Variants in ATAD2B observed in about 807,000 individuals in gnomAD.
ATAD2B encodes the protein ATPase family AAA domain containing 2B, also known as ATPase family AAA domain-containing protein 2B.
Under a neutral mutation model 167.6 loss-of-function variants are expected in ATAD2B, and 40 were observed. The observed-to-expected ratio is 0.24, with a 90% confidence interval of 0.19 to 0.31. The LOEUF (loss-of-function observed/expected upper bound fraction) is 0.31, where lower values mean the gene tolerates loss of function less well. Ranked by LOEUF, ATAD2B falls within the 10% of genes least tolerant of loss-of-function variation. The pLI is 1.00. For synonymous variants in ATAD2B, 579 were observed against 596.5 expected (o/e 0.97, Z 0.43); for missense variants, 1,242 against 1,757.2 (o/e 0.71, Z 5.24).
At chr2:23,908,536 G>C (rs1701809283) in intron 1 of ATAD2B, among the ~76,000 whole-genome samples, 1 of 152,160 alleles carries the variant, frequency 6.6e-6, no homozygotes, top group Non-Finnish European at 1.5e-5. Context: ...TACACTGTTG[G>C]TGGGACTGTA....
At chr2:23,875,935 T>C in intron 7 of ATAD2B, 31 bp from the exon 8 acceptor site, 2 of 1,423,042 alleles carry the variant, frequency 1.4e-6, no homozygotes, top group Non-Finnish European at 1.9e-6. Context: ...AATAGAGAAA[T>C]AACTAATAAA....
intron 22 of ATAD2B, among the ~76,000 whole-genome samples, chr2:23,775,709 C>T (rs956796514): frequency 1.3e-5 from 2 of 152,158 alleles, no homozygotes; most frequent in Non-Finnish European, 2.9e-5. Flanking sequence ...AGAACTGGGA[C>T]CCATATTTCC....
chr2:23,678,541 A>G, the ATAD2B span, among the ~76,000 whole-genome samples: 9 of 152,216 alleles, frequency 5.9e-5, no homozygotes, highest in African/African-American at 2.2e-4. Context: ...GTCTCTGCCA[A>G]TATCAGCCAG....
intron 13 of ATAD2B, among the ~76,000 whole-genome samples, chr2:23,834,476 G>A (rs971911019): frequency 6.6e-6 from 1 of 151,746 alleles, no homozygotes; most frequent in African/African-American, 2.4e-5. Context: ...AGTCTTTAAT[G>A]CTAACAAAAT....
chr2:23,678,463 C>G, the ATAD2B span, among the ~76,000 whole-genome samples: 2 of 152,206 alleles, frequency 1.3e-5, no homozygotes, highest in African/African-American at 4.8e-5. Flanking sequence ...CTGGGCTAGC[C>G]TGTTGGAGCA....
the ATAD2B span, chr2:23,685,514 C>G: frequency 6.6e-6 from 1 of 152,330 alleles, no homozygotes; most frequent in Non-Finnish European, 1.5e-5. Flanking sequence ...TGCCAACTAA[C>G]CCCGGAGTGA....
Position 23,823,472 on chromosome 2 carries a change from C to A in ATAD2B, c.1917G>T (p.Leu639=). ...GCACTATTGAGGAAACATCCAGCTG[C>A]AGTTTATGACTGCTAGCATAGATCT... is the stretch of plus-strand genomic sequence containing the variant. The part of the protein sequence containing the change: ...YPQIYASSHK[L]QLDVSSIVLS... The change falls in exon 16 of 28, where the codon CTG becomes CTT. Residue 639 remains leucine, a synonymous_variant. Transcript: ENST00000238789. The A allele has an allele frequency of 6.2e-7, 1 of 1,613,954 alleles. No individual in the cohort carries two copies. Among genetic ancestry groups the A allele is most frequent in the South Asian group, 1.1e-5 (1 of 91,070 alleles).
chr2:23,821,592 A>AT (rs1381716541), intron 16 of ATAD2B, among the ~76,000 whole-genome samples: 6 of 152,124 alleles, frequency 3.9e-5, no homozygotes, highest in African/African-American at 1.2e-4. Context: ...AATATTCATA[A>AT]TTTTTACTAT....
intron 22 of ATAD2B, among the ~76,000 whole-genome samples, chr2:23,774,132 T>C (rs188256536): frequency 6.0e-4 from 92 of 152,292 alleles, no homozygotes; most frequent in Non-Finnish European, 5.1e-4. Context: ...ATTTTTATGG[T>C]ATGATTTTTC....
intron 5 of ATAD2B, 40 bp downstream of exon 5, chr2:23,885,687 G>T: frequency 8.0e-7 from 1 of 1,251,296 alleles, no homozygotes; most frequent in Non-Finnish European, 1.1e-6. Flanking sequence ...CAATTAAAAT[G>T]AAAAATATTT....
Position 23,880,531 on chromosome 2 carries a change from C to G in ATAD2B, c.901+108G>C. On this transcript the variant is annotated intron_variant, in intron 7 of 27. Transcript: ENST00000238789. ...TGAACTGGGATCGCACCACTGCACTCCAGCCTGGGCGATGGAGCGAGACTC... is the reference window on the plus strand; with the variant it reads ...TGAACTGGGATCGCACCACTGCACTGCAGCCTGGGCGATGGAGCGAGACTC... 4.6e-6 allele frequency: 3 copies of G among 656,848 alleles called. No homozygotes were observed. In the South Asian group the frequency reaches 5.8e-5, roughly 13 times the overall value. 40.7% of individuals were successfully genotyped at this position (656,848 alleles called of 1,614,324 possible).
intron 4 of ATAD2B, among the ~76,000 whole-genome samples, chr2:23,886,930 C>CAAAAAAA (rs771470947): frequency 1.7e-5 from 2 of 116,424 alleles, no homozygotes; most frequent in Non-Finnish European, 1.8e-5. Flanking sequence ...GACTCCATCT[C>CAAAAAAA]AAAAAAAAAA....
intron 19 of ATAD2B, among the ~76,000 whole-genome samples, chr2:23,790,186 G>A (rs1681442609): frequency 6.6e-6 from 1 of 152,144 alleles, no homozygotes; most frequent in Non-Finnish European, 1.5e-5. Flanking sequence ...AGACACTGCA[G>A]TTATAAAACT....
At chr2:23,822,834 C>T (rs1687659563) in intron 16 of ATAD2B, among the ~76,000 whole-genome samples, 2 of 141,446 alleles carry the variant, frequency 1.4e-5, no homozygotes, top group African/African-American at 5.3e-5. Context: ...AGGAGAATCG[C>T]TGTACCCGGG....
At chr2:23,842,749 G>C (rs1476089796) in intron 13 of ATAD2B, among the ~76,000 whole-genome samples, 1 of 152,126 alleles carries the variant, frequency 6.6e-6, no homozygotes, top group Non-Finnish European at 1.5e-5. Flanking sequence ...ATCTCTAGCT[G>C]GTCCTGAACA....
chr2:23,745,846 G>C (rs141706181), downstream of ATAD2B, among the ~76,000 whole-genome samples: 12 of 152,208 alleles, frequency 7.9e-5, no homozygotes, highest in Non-Finnish European at 1.3e-4. Context: ...CAAAAAGCAA[G>C]GACCTTGCTG....
At chr2:23,769,128 T>C (rs1407094708) in intron 22 of ATAD2B, among the ~76,000 whole-genome samples, 1 of 152,122 alleles carries the variant, frequency 6.6e-6, no homozygotes, top group Non-Finnish European at 1.5e-5. Flanking sequence ...AATCTCCAGA[T>C]GCTTATATCT....
At chr2:23,833,306 C>T (rs947271190) in intron 14 of ATAD2B, among the ~76,000 whole-genome samples, 1 of 152,074 alleles carries the variant, frequency 6.6e-6, no homozygotes, top group Admixed American at 6.5e-5. Flanking sequence ...ATCTCTTCCT[C>T]TCAAATTTGA....
At chr2:23,819,126 G>A (rs1037156176) in intron 17 of ATAD2B, among the ~76,000 whole-genome samples, 1 of 152,002 alleles carries the variant, frequency 6.6e-6, no homozygotes, top group Non-Finnish European at 1.5e-5. Context: ...AATAAAGTTG[G>A]GGCTCATGAG....
Sources: gnomAD v4.1 joint callset for allele counts (sites outside exome capture counted in the v4.1 genomes callset) on GRCh38, gnomAD v4.1.1 for gene constraint, MANE v1.5 for transcripts, NCBI Gene and HGNC (gene_info 2026-07-23, HGNC 2026-07-21) for gene names.